Variants in DAB1 observed in about 807,000 individuals in gnomAD.
DAB1 encodes disabled homolog 1.
A neutral mutation model predicts 64.6 loss-of-function variants in DAB1; 15 were observed. The ratio of observed to expected loss-of-function variants is 0.23; its 90% CI spans 0.16 to 0.36. The LOEUF is 0.36. DAB1 is among the 10% of genes least tolerant of loss of function. The pLI is 1.00. For synonymous variants in DAB1, 235 were observed against 251.9 expected, an observed-to-expected ratio of 0.93 and a Z score of 0.64; for missense variants, 596 against 706.7, an observed-to-expected ratio of 0.84 and a Z score of 1.78.
At chr1:57,790,734 C>T (rs948220454) in intron 6 of DAB1, among the ~76,000 whole-genome samples, 9 of 152,248 alleles carry the variant, frequency 5.9e-5, no homozygotes, top group Admixed American at 3.3e-4. Context: ...AGATATCTAT[C>T]GCTAAAGAAT....
intron 2 of DAB1, among the ~76,000 whole-genome samples, chr1:57,188,390 G>GA (rs962598791): frequency 2.0e-5 from 3 of 151,058 alleles, no homozygotes; most frequent in South Asian, 2.1e-4. Flanking sequence ...AAAAAGGCAG[G>GA]AAAAAAAAAT....
intron 3 of DAB1, among the ~76,000 whole-genome samples, chr1:58,425,496 G>T (rs1185842215): frequency 6.6e-6 from 1 of 152,232 alleles, no homozygotes; most frequent in African/African-American, 2.4e-5. Flanking sequence ...AAGAGCATCA[G>T]TGTTAGATGC....
chr1:57,010,943 T>C (rs1279895797), intron 13 of DAB1, among the ~76,000 whole-genome samples, 153 bp from the exon 14 acceptor site: 1 of 152,146 alleles, frequency 6.6e-6, no homozygotes, highest in Non-Finnish European at 1.5e-5. Flanking sequence ...TGTGGACTTG[T>C]AGTAACAATT....
At position 57,449,567 on chromosome 1, in the gene DAB1, T is replaced by C. The variant is rs529300273; in HGVS notation, n.626-158401A>G. Among the ~76,000 whole-genome samples, 5 of 152,134 alleles carry C rather than the reference T, an allele frequency of 3.3e-5. No homozygotes were observed. In the East Asian group the frequency reaches 7.8e-4, roughly 24 times the overall value. ...GGCTAATTTTTATTTTTTGTAGAGA[T>C]GGGGTCTTGTTATGTTGCCCAGGCT... is the stretch of plus-strand genomic sequence containing the variant. On this transcript the variant is annotated intron_variant and non_coding_transcript_variant, in intron 7 of 20. Transcript: ENST00000485760.
chr1:57,552,874 T>C (rs1644930582), intron 7 of DAB1, among the ~76,000 whole-genome samples: 1 of 152,062 alleles, frequency 6.6e-6, no homozygotes, highest in African/African-American at 2.4e-5. Context: ...TGTTTTGTGA[T>C]AAAAATCTGG....
intron 3 of DAB1, among the ~76,000 whole-genome samples, chr1:58,504,453 C>T (rs1332653743): frequency 2.6e-5 from 4 of 152,130 alleles, no homozygotes; most frequent in Non-Finnish European, 4.4e-5. Flanking sequence ...CCTTGACAAC[C>T]GAACATAGAC....
chr1:58,148,492 C>T (rs763192842), intron 5 of DAB1, among the ~76,000 whole-genome samples: 3 of 152,206 alleles, frequency 2.0e-5, no homozygotes, highest in African/African-American at 7.2e-5. Context: ...TTGCAAACTA[C>T]ATTTTGACCA....
At chr1:57,026,176 G>A (rs940895300) in intron 9 of DAB1, 133 bp from the exon 10 acceptor site, 18 of 656,154 alleles carry the variant, frequency 2.7e-5, no homozygotes, top group Admixed American at 2.4e-4. Flanking sequence ...AATCCTGATG[G>A]GTCATTACTA....
chr1:58,175,406 G>A (rs1656412478), intron 4 of DAB1, among the ~76,000 whole-genome samples: 1 of 152,200 alleles, frequency 6.6e-6, no homozygotes, highest in East Asian at 1.9e-4. Context: ...AACACTCACT[G>A]CCAGGGTCCA....
chr1:57,560,950 C>G (rs1645043319), intron 7 of DAB1, among the ~76,000 whole-genome samples: 1 of 152,160 alleles, frequency 6.6e-6, no homozygotes. Context: ...GTTACCTAAA[C>G]AGCCTATCAT....
chr1:56,998,527 T>C (rs897806284), intron 14 of DAB1, among the ~76,000 whole-genome samples: 41 of 152,196 alleles, frequency 2.7e-4, no homozygotes, highest in African/African-American at 9.9e-4. Context: ...ATAAAGTATC[T>C]AGCACAATGC....
At chr1:58,330,531 G>C (rs940796477) in intron 4 of DAB1, among the ~76,000 whole-genome samples, 3 of 152,206 alleles carry the variant, frequency 2.0e-5, no homozygotes, top group Admixed American at 6.5e-5. Flanking sequence ...ATGCTATCTA[G>C]GACTTTCAGA....
chr1:58,195,734 C>CA (rs1657639782), intron 4 of DAB1, among the ~76,000 whole-genome samples: 1 of 152,140 alleles, frequency 6.6e-6, no homozygotes, highest in Admixed American at 6.5e-5. Flanking sequence ...CTATAAAGTG[C>CA]AACACATATG....
chr1:57,668,026 A>G (rs1216900835), intron 6 of DAB1, among the ~76,000 whole-genome samples: 1 of 152,020 alleles, frequency 6.6e-6, no homozygotes, highest in East Asian at 1.9e-4. Context: ...AACTTAAAGT[A>G]AAATTTAAAA....
intron 11 of DAB1, among the ~76,000 whole-genome samples, chr1:57,021,811 G>A (rs1358887460): frequency 6.6e-6 from 1 of 152,038 alleles, no homozygotes; most frequent in Non-Finnish European, 1.5e-5. Context: ...AGACTTGGGG[G>A]ACCAAGTCAT....
intron 5 of DAB1, among the ~76,000 whole-genome samples, chr1:58,102,761 G>GT (rs1424855526): frequency 3.3e-5 from 5 of 152,170 alleles, no homozygotes; most frequent in Non-Finnish European, 7.3e-5. Flanking sequence ...GAAAAGCTTG[G>GT]TAAGTATCAT....
intron 1 of DAB1, among the ~76,000 whole-genome samples, chr1:57,375,832 T>C (rs1025845293): frequency 2.6e-5 from 4 of 152,216 alleles, no homozygotes; most frequent in South Asian, 2.1e-4. Flanking sequence ...AAACAGTAGG[T>C]ATTTAATAAA....
chr1:57,964,227 A>G (rs1275929539), intron 5 of DAB1, among the ~76,000 whole-genome samples: 1 of 152,106 alleles, frequency 6.6e-6, no homozygotes, highest in Non-Finnish European at 1.5e-5. Context: ...GTTTTACTCC[A>G]CTCAAACCTT....
chr1:57,635,051 A>T (rs967543828), intron 7 of DAB1, among the ~76,000 whole-genome samples: 11 of 152,192 alleles, frequency 7.2e-5, no homozygotes, highest in African/African-American at 2.2e-4. Flanking sequence ...AGGAGTATTC[A>T]TGGAGGTACA....
Sources: gnomAD v4.1 joint callset for allele counts (sites outside exome capture counted in the v4.1 genomes callset) on GRCh38, gnomAD v4.1.1 for gene constraint, MANE v1.5 for transcripts, NCBI Gene and HGNC (gene_info 2026-07-23, HGNC 2026-07-21) for gene names.